CCDC102B: variants seen among roughly 807,000 people sequenced by gnomAD.
CCDC102B encodes coiled-coil domain-containing protein 102B.
In CCDC102B, 75 loss-of-function variants were observed where a neutral mutation model predicts 57.4. The ratio of observed to expected loss-of-function variants is 1.31; its 90% CI spans 1.08 to 1.58. The LOEUF is 1.58. Ranked by LOEUF, CCDC102B falls within the 40% of genes most tolerant of loss-of-function variation. The pLI, the probability that CCDC102B is intolerant of heterozygous loss-of-function variation, is 0.00. For synonymous variants in CCDC102B, 206 were observed against 201.9 expected (o/e 1.02, Z -0.17); for missense variants, 636 against 582.6 (o/e 1.09, Z -0.94).
At chr18:68,878,671 G>A (rs2039550724) in intron 5 of CCDC102B, among the ~76,000 whole-genome samples, 2 of 152,096 alleles carry the variant, frequency 1.3e-5, no homozygotes, top group African/African-American at 2.4e-5. Flanking sequence ...AAATCTACTG[G>A]CAACTTAAGC....
chr18:68,733,218 T>G (rs1470558277), intron 2 of CCDC102B, among the ~76,000 whole-genome samples: 1 of 152,028 alleles, frequency 6.6e-6, no homozygotes, highest in African/African-American at 2.4e-5. Flanking sequence ...ACACACACTC[T>G]CTTTGTCGTG....
intron 2 of CCDC102B, among the ~76,000 whole-genome samples, chr18:68,751,918 G>T (rs943271414): frequency 2.0e-4 from 30 of 152,076 alleles, no homozygotes; most frequent in African/African-American, 5.8e-4. Context: ...AACAGTGAAA[G>T]TACAGAAAGA....
chr18:69,051,306 T>G (rs561271544), intron 7 of CCDC102B, among the ~76,000 whole-genome samples: 3 of 152,058 alleles, frequency 2.0e-5, no homozygotes, highest in Non-Finnish European at 4.4e-5. Flanking sequence ...TAAAACTAAA[T>G]TTAATAAAAT....
chr18:68,866,177 A>G (rs1310396864), intron 4 of CCDC102B, among the ~76,000 whole-genome samples: 7 of 152,230 alleles, frequency 4.6e-5, no homozygotes. Flanking sequence ...TTGTGTACGC[A>G]TAACAATTAT....
chr18:68,919,449 A>G lies in CCDC102B; in HGVS notation c.1263+22021A>G, dbSNP rs1599691241. ...CTAAAAAACATTGGTTTCCTAATCA[A>G]TGCCAGCAGGTTATTTTAGAGATTA... On this transcript the variant is annotated intron_variant, in intron 6 of 7. Transcript: ENST00000360242. 2.0e-5 allele frequency among the ~76,000 whole-genome samples: 3 copies of G among 152,284 alleles called. No homozygotes were observed. The East Asian group carries it at 5.8e-4, about 29-fold the overall frequency.
intron 6 of CCDC102B, among the ~76,000 whole-genome samples, chr18:68,920,687 A>G: frequency 6.6e-6 from 1 of 152,126 alleles, no homozygotes; most frequent in East Asian, 1.9e-4. Flanking sequence ...ACAATCATGG[A>G]GGAAGGCAAA....
Position 68,818,283 on chromosome 18 carries a change from T to C in CCDC102B, c.-15-18466T>C, listed in dbSNP as rs540849449. On this transcript the variant is annotated intron_variant, in intron 1 of 7. Coordinates refer to ENST00000360242, the MANE Select transcript of CCDC102B (RefSeq NM_024781.3). ...GATAGTATTCTGTTTATCGTGTCTA[T>C]TCTCCTGCTTAATCTGGAAGCTAAT... Among the ~76,000 whole-genome samples the C allele has an allele frequency of 5.3e-5, 8 of 152,308 alleles. No individual in the cohort carries two copies. The East Asian group carries it at 9.7e-4, about 18-fold the overall frequency.
intron 1 of CCDC102B, among the ~76,000 whole-genome samples, chr18:68,815,921 T>C (rs2036456280): frequency 6.6e-6 from 1 of 152,190 alleles, no homozygotes; most frequent in African/African-American, 2.4e-5. Flanking sequence ...TTTCAATATA[T>C]CAATTCATTT....
intron 7 of CCDC102B, among the ~76,000 whole-genome samples, chr18:69,020,743 C>T (rs951132037): frequency 6.6e-6 from 1 of 152,068 alleles, no homozygotes; most frequent in African/African-American, 2.4e-5. Context: ...ACTGTGGTAT[C>T]CTTTGAATGC....
chr18:68,763,006 G>A lies in CCDC102B; in HGVS notation c.-67+46412G>A, dbSNP rs560500795. Among the ~76,000 whole-genome samples, 431 of 152,002 alleles carry A rather than the reference G, an allele frequency of 2.8e-3. 1 individual carries two copies. The highest frequency in any genetic ancestry group is 1.0e-2 in the African/African-American group (413 of 41,462). On this transcript the variant is annotated intron_variant, in intron 2 of 3. Transcript: ENST00000578970. ...CACAAAGGCCTTAGGGGGGAAAAAA[G>A]CTTCTATCTTCTTGATTTATATAGC...
chr18:68,786,095 C>G (rs1200132663), intron 2 of CCDC102B, among the ~76,000 whole-genome samples: 1 of 149,526 alleles, frequency 6.7e-6, no homozygotes, highest in East Asian at 2.0e-4. Context: ...AATCCTTTCC[C>G]CATTGCTTGT....
rs144750726 is a variant in CCDC102B, at chr18:68,868,563, A to C, written c.937-6106A>C. ...CTTGCTGTCACATATTTCTGGGCCC[A>C]CTGCATTTGAGTCTACTCTTTGGAC... On this transcript the variant is annotated intron_variant, in intron 4 of 7. Coordinates refer to ENST00000360242, the MANE Select transcript of CCDC102B (RefSeq NM_024781.3). 5.0e-3 allele frequency among the ~76,000 whole-genome samples: 765 copies of C among 152,266 alleles called. 6 individuals are homozygous for C. The highest frequency in any genetic ancestry group is 0.017 in the African/African-American group (720 of 41,542).
At chr18:68,760,451 A>T (rs1260259668) in intron 2 of CCDC102B, among the ~76,000 whole-genome samples, 1 of 152,098 alleles carries the variant, frequency 6.6e-6, no homozygotes, top group Non-Finnish European at 1.5e-5. Context: ...CTTTATTTCA[A>T]GAATAAAGAG....
chr18:68,748,707 T>A (rs1345626683), intron 2 of CCDC102B, among the ~76,000 whole-genome samples: 1 of 152,142 alleles, frequency 6.6e-6, no homozygotes, highest in African/African-American at 2.4e-5. Flanking sequence ...TAGTAAGACA[T>A]CCCTTTTTCA....
Position 68,798,118 on chromosome 18 carries a change from A to C in CCDC102B, c.-79A>C, listed in dbSNP as rs1018497816. On this transcript the variant is annotated 5_prime_UTR_variant, in exon 1 of 8. Transcript: ENST00000360242. ...TGTACGGATGAGAAAAGGATGCAGGAAATTCTGTTGTTTACACATGTGGCT... is the reference window on the plus strand; with the variant it reads ...TGTACGGATGAGAAAAGGATGCAGGCAATTCTGTTGTTTACACATGTGGCT... The C allele has an allele frequency of 1.3e-5, 2 of 152,168 alleles. No individual in the cohort carries two copies. The highest frequency in any genetic ancestry group is 2.9e-5 in the Non-Finnish European group (2 of 68,038). The allele number at this position is 152,168 out of a possible 1,614,324, so 9.4% of individuals were successfully genotyped here. A position where few individuals can be genotyped will look rare whatever the true frequency, so the allele number is the denominator to read the frequency against.
intron 6 of CCDC102B, among the ~76,000 whole-genome samples, chr18:68,995,804 C>T (rs1388129470): frequency 6.6e-6 from 1 of 152,136 alleles, no homozygotes; most frequent in Non-Finnish European, 1.5e-5. Flanking sequence ...AGAGGGCCAC[C>T]ATCCTCCAGA....
intron 6 of CCDC102B, among the ~76,000 whole-genome samples, chr18:68,900,730 A>G (rs1312324847): frequency 6.6e-6 from 1 of 152,158 alleles, no homozygotes; most frequent in Non-Finnish European, 1.5e-5. Flanking sequence ...TTAAAGAGTA[A>G]AAGTTGGTAA....
intron 2 of CCDC102B, among the ~76,000 whole-genome samples, chr18:68,764,533 A>G (rs2034361243): frequency 6.6e-6 from 1 of 152,202 alleles, no homozygotes; most frequent in African/African-American, 2.4e-5. Context: ...TTATAAAGAT[A>G]AAAACATAAA....
intron 2 of CCDC102B, among the ~76,000 whole-genome samples, chr18:68,762,448 C>A (rs148042391): frequency 6.6e-6 from 1 of 151,746 alleles, no homozygotes; most frequent in African/African-American, 2.4e-5. Context: ...GAATACATTC[C>A]CACTCACTAG....
Sources: allele counts gnomAD v4.1 joint callset (sites outside exome capture counted in the v4.1 genomes callset), GRCh38; gene constraint gnomAD v4.1.1; transcripts MANE v1.5; gene names NCBI Gene and HGNC (gene_info 2026-07-23, HGNC 2026-07-21).